Variants in COX7B2 observed in about 807,000 individuals in gnomAD.
The protein encoded by COX7B2 is cytochrome c oxidase subunit 7B2.
For missense variants in COX7B2, 109 were observed against 95.9 expected, an observed-to-expected ratio of 1.14 and a Z score of -0.57; for synonymous variants, 37 against 32.1, an observed-to-expected ratio of 1.15 and a Z score of -0.51.
intron 2 of COX7B2, among the ~76,000 whole-genome samples, chr4:46,789,117 A>G (rs978416740): frequency 2.6e-5 from 4 of 152,204 alleles, no homozygotes; most frequent in Non-Finnish European, 2.9e-5. Context: ...CGAAAACTTT[A>G]CAGAACTCCA....
intron 2 of COX7B2, among the ~76,000 whole-genome samples, chr4:46,822,906 A>T (rs753136342): frequency 3.9e-5 from 6 of 152,254 alleles, no homozygotes; most frequent in Non-Finnish European, 7.3e-5. Flanking sequence ...AAAACTATAC[A>T]AATAGCAAAT....
At chr4:46,865,279 A>G (rs1475506258) in intron 1 of COX7B2, among the ~76,000 whole-genome samples, 1 of 152,098 alleles carries the variant, frequency 6.6e-6, no homozygotes, top group Non-Finnish European at 1.5e-5. Context: ...AGAAGACATT[A>G]TTTTGTTCCT....
At chr4:46,837,058 A>G (rs1387876223) in intron 2 of COX7B2, among the ~76,000 whole-genome samples, 2 of 152,142 alleles carry the variant, frequency 1.3e-5, no homozygotes, top group Non-Finnish European at 2.9e-5. Flanking sequence ...GCAGCATTTA[A>G]TTGAGATATG....
At chr4:46,905,810 A>ATTTTTTTTTT (rs1172630222) in intron 1 of COX7B2, among the ~76,000 whole-genome samples, 5 of 60,442 alleles carry the variant, frequency 8.3e-5, no homozygotes, top group African/African-American at 1.3e-4. Context: ...ATAAGCATAT[A>ATTTTTTTTTT]TTTCTTTTTT....
At chr4:46,737,125 T>C (rs1714416180) in intron 2 of COX7B2, among the ~76,000 whole-genome samples, 1 of 152,250 alleles carries the variant, frequency 6.6e-6, no homozygotes, top group East Asian at 1.9e-4. Flanking sequence ...ATGTTGTTAG[T>C]GTTCTGGATT....
At chr4:46,760,609 A>G (rs1375194342) in intron 2 of COX7B2, among the ~76,000 whole-genome samples, 1 of 152,152 alleles carries the variant, frequency 6.6e-6, no homozygotes, top group East Asian at 1.9e-4. Flanking sequence ...CCTAAAGTAG[A>G]TGATGGGTTG....
chr4:46,781,100 G>T (rs1389067319), intron 2 of COX7B2, among the ~76,000 whole-genome samples: 1 of 152,052 alleles, frequency 6.6e-6, no homozygotes, highest in Non-Finnish European at 1.5e-5. Flanking sequence ...CAACAGCTTT[G>T]ATCATATGTA....
At chr4:46,751,213 C>G (rs74316887) in intron 2 of COX7B2, among the ~76,000 whole-genome samples, 2 of 151,948 alleles carry the variant, frequency 1.3e-5, no homozygotes, top group East Asian at 3.9e-4. Flanking sequence ...TCAAATTGTT[C>G]GTGGGGAGAT....
At chr4:46,773,316 G>A (rs1716981935) in intron 2 of COX7B2, among the ~76,000 whole-genome samples, 1 of 152,086 alleles carries the variant, frequency 6.6e-6, no homozygotes, top group South Asian at 2.1e-4. Context: ...TGCTGTTAGT[G>A]AGTGAGTTCT....
Position 46,872,804 on chromosome 4 carries a change from T to A in COX7B2, c.-104-27790A>T, listed in dbSNP as rs191562152. Among the ~76,000 whole-genome samples, 104 of 152,176 alleles carry A rather than the reference T, an allele frequency of 6.8e-4. 1 individual carries two copies. The highest frequency in any genetic ancestry group is 3.4e-3 in the Middle Eastern group (1 of 294). On this transcript the variant is annotated intron_variant, in intron 1 of 2. Coordinates refer to ENST00000355591, the MANE Select transcript of COX7B2 (RefSeq NM_130902.3). Reference sequence around the variant, plus strand: ...CAAAATGGGGATAATTATGCTAACTTCTTCATAGGGTTTTGGTGTTAATTT... The same window carrying A: ...CAAAATGGGGATAATTATGCTAACTACTTCATAGGGTTTTGGTGTTAATTT...
chr4:46,743,780 A>T (rs1577649476), intron 2 of COX7B2, among the ~76,000 whole-genome samples: 1 of 152,174 alleles, frequency 6.6e-6, no homozygotes, highest in South Asian at 2.1e-4. Context: ...CCCCTGAAGC[A>T]TTATCTCCAG....
chr4:46,781,126 T>C (rs1309674632), intron 2 of COX7B2, among the ~76,000 whole-genome samples: 2 of 152,128 alleles, frequency 1.3e-5, no homozygotes, highest in East Asian at 3.9e-4. Context: ...ATATAGCTAG[T>C]AGACTTACTA....
intron 2 of COX7B2, among the ~76,000 whole-genome samples, chr4:46,756,049 T>C (rs760725649): frequency 6.6e-5 from 10 of 152,068 alleles, no homozygotes; most frequent in Non-Finnish European, 1.5e-4. Context: ...TCACATTCTC[T>C]GACTTCAAAT....
At position 46,779,083 on chromosome 4, in the gene COX7B2, C is replaced by A. The variant is rs554155796; in HGVS notation, c.-49-43842G>T. Among the ~76,000 whole-genome samples, 28 of 152,230 alleles carry A rather than the reference C, an allele frequency of 1.8e-4. 1 individual carries two copies. Among genetic ancestry groups the A allele is most frequent in the African/African-American group, 6.0e-4 (25 of 41,548 alleles). ...CCTCAGAAGTCATTGACCTGACAAT[C>A]CAACAAGTGTTTAATGAATAACCAA... is the stretch of plus-strand genomic sequence containing the variant. On this transcript the variant is annotated intron_variant, in intron 2 of 2. Transcript: ENST00000355591.
intron 2 of COX7B2, among the ~76,000 whole-genome samples, chr4:46,763,308 T>C (rs1716337897): frequency 6.7e-6 from 1 of 148,512 alleles, no homozygotes; most frequent in South Asian, 2.1e-4. Flanking sequence ...TATAATTTCA[T>C]GTTCTTAGAG....
chr4:46,797,169 A>G (rs543414136), intron 2 of COX7B2, among the ~76,000 whole-genome samples: 1 of 151,636 alleles, frequency 6.6e-6, no homozygotes, highest in African/African-American at 2.4e-5. Context: ...TACACTACCA[A>G]AAACTTATTT....
At chr4:46,819,848 C>T (rs1262162835) in intron 2 of COX7B2, among the ~76,000 whole-genome samples, 1 of 152,190 alleles carries the variant, frequency 6.6e-6, no homozygotes, top group East Asian at 1.9e-4. Flanking sequence ...TTACCTTGAT[C>T]ATCCTAATCC....
rs1716613784 is a variant in COX7B2, at chr4:46,767,504, A to G, written c.-49-32263T>C. ...TTTGAACAATATTATAGACCATATA[A>G]ACTTAACAGACATATACAGAACATT... On this transcript the variant is annotated intron_variant, in intron 2 of 2. Coordinates refer to ENST00000355591, the MANE Select transcript of COX7B2 (RefSeq NM_130902.3). Among the ~76,000 whole-genome samples the G allele has an allele frequency of 2.0e-5, 3 of 152,194 alleles. No individual in the cohort carries two copies. The South Asian group carries it at 6.2e-4, about 31-fold the overall frequency.
intron 2 of COX7B2, among the ~76,000 whole-genome samples, chr4:46,754,983 C>CAAA (rs2109449225): frequency 6.6e-6 from 1 of 150,474 alleles, no homozygotes; most frequent in South Asian, 2.1e-4. Context: ...TACAAGGGCA[C>CAAA]AACAACAACA....
Sources: gnomAD v4.1 joint callset for allele counts (sites outside exome capture counted in the v4.1 genomes callset) on GRCh38, gnomAD v4.1.1 for gene constraint, MANE v1.5 for transcripts, NCBI Gene and HGNC (gene_info 2026-07-23, HGNC 2026-07-21) for gene names.